Variants in CYFIP2 observed in about 807,000 individuals in gnomAD.
CYFIP2 encodes the protein cytoplasmic FMR1-interacting protein 2.
Under a neutral mutation model 158.7 loss-of-function variants are expected in CYFIP2, and 29 were observed. The ratio of observed to expected loss-of-function variants is 0.18; its 90% CI spans 0.14 to 0.25. CYFIP2 has a LOEUF of 0.25. CYFIP2 is among the 10% of genes least tolerant of loss of function. The probability of loss-of-function intolerance (pLI) is 1.00; values close to 1 mark genes in which losing one functional copy is unlikely to be tolerated. For synonymous variants in CYFIP2, 585 were observed against 617.6 expected (o/e 0.95, Z 0.78); for missense variants, 852 against 1,639.5 (o/e 0.52, Z 8.29).
chr5:157,373,928 G>A (rs1425284836), intron 26 of CYFIP2, among the ~76,000 whole-genome samples: 3 of 152,168 alleles, frequency 2.0e-5, no homozygotes, highest in African/African-American at 7.2e-5. Flanking sequence ...GGCTAGAGTG[G>A]CAATCATTAA....
intron 17 of CYFIP2, 189 bp downstream of exon 17, chr5:157,325,827 C>A: frequency 1.6e-6 from 1 of 632,426 alleles, no homozygotes; most frequent in Non-Finnish European, 2.6e-6. Context: ...CTGAAGTTTC[C>A]CAGCCCAACT....
At chr5:157,322,926 C>T in intron 15 of CYFIP2, 1 of 1,534,994 alleles carries the variant, frequency 6.5e-7, no homozygotes, top group Non-Finnish European at 8.7e-7. Flanking sequence ...TTCCTTCTCT[C>T]CTATCTATGT....
intron 1 of CYFIP2, among the ~76,000 whole-genome samples, chr5:157,277,517 A>G (rs899539668): frequency 2.0e-5 from 3 of 152,204 alleles, no homozygotes; most frequent in African/African-American, 7.2e-5. Flanking sequence ...TTCATTCAGT[A>G]CTTCCCCAGT....
At chr5:157,313,193 C>G (rs558470253) in intron 11 of CYFIP2, among the ~76,000 whole-genome samples, 1 of 152,346 alleles carries the variant, frequency 6.6e-6, no homozygotes, top group South Asian at 2.1e-4. Context: ...ATCAGAGTTA[C>G]AGCCCTGTGA....
chr5:157,299,409 C>T (rs1310651847), intron 5 of CYFIP2, among the ~76,000 whole-genome samples: 1 of 152,156 alleles, frequency 6.6e-6, no homozygotes, highest in African/African-American at 2.4e-5. Context: ...ATTGAGTTAC[C>T]CCATAAGCCT....
chr5:157,295,012 G>A (rs1406602051), intron 4 of CYFIP2, among the ~76,000 whole-genome samples, 152 bp downstream of exon 4: 1 of 152,228 alleles, frequency 6.6e-6, no homozygotes, highest in Non-Finnish European at 1.5e-5. Context: ...AAGACATTCA[G>A]AGAGCTTCCC....
At chr5:157,318,730 C>T (rs1232973707) in intron 13 of CYFIP2, among the ~76,000 whole-genome samples, 1 of 152,126 alleles carries the variant, frequency 6.6e-6, no homozygotes, top group Non-Finnish European at 1.5e-5. Context: ...ATAGCTGGGC[C>T]CTGTCCTGTG....
intron 13 of CYFIP2, among the ~76,000 whole-genome samples, chr5:157,317,507 G>T (rs1760247031): frequency 2.0e-5 from 3 of 151,994 alleles, no homozygotes; most frequent in African/African-American, 7.3e-5. Context: ...TTTCTACTTT[G>T]GGAAATGAGG....
At chr5:157,389,456 A>C (rs772146322) in intron 29 of CYFIP2, 29 bp downstream of exon 29, 2 of 1,515,846 alleles carry the variant, frequency 1.3e-6, no homozygotes, top group Non-Finnish European at 8.9e-7. Context: ...AGGCAGGGTT[A>C]CCCCCAACCT....
At chr5:157,275,067 C>G (rs567064805) in intron 1 of CYFIP2, among the ~76,000 whole-genome samples, 4 of 152,252 alleles carry the variant, frequency 2.6e-5, no homozygotes, top group East Asian at 3.9e-4. Flanking sequence ...GCCACTGTGC[C>G]CAGCCAAGAA....
intron 19 of CYFIP2, among the ~76,000 whole-genome samples, chr5:157,329,720 A>G (rs1009214663): frequency 1.3e-5 from 2 of 152,238 alleles, no homozygotes; most frequent in African/African-American, 4.8e-5. Context: ...CTTTTCTTCT[A>G]AGTCCTCAAA....
chr5:157,314,388 G>A lies in CYFIP2; in HGVS notation c.1155G>A (p.Glu385=), dbSNP rs746420638. The change falls in exon 12 of 31, where the codon GAG becomes GAA. Residue 385 remains glutamate (E), a synonymous_variant. Transcript: ENST00000620254. ...SGLDSQKSDE[E]YRELFDLALR... ...TGGACAGCCAGAAGTCAGACGAGGA[G>A]TATCGCGAGCTCTTCGACCTAGCCC... The A allele has an allele frequency of 6.2e-7, 1 of 1,613,944 alleles. No individual in the cohort carries two copies. Among genetic ancestry groups the A allele is most frequent in the Non-Finnish European group, 8.5e-7 (1 of 1,179,868 alleles).
At chr5:157,331,279 G>A (rs981377864) in intron 20 of CYFIP2, among the ~76,000 whole-genome samples, 6 of 151,598 alleles carry the variant, frequency 4.0e-5, no homozygotes, top group Admixed American at 4.0e-4. Flanking sequence ...TTTTTTGTGT[G>A]CAGAGTTGGT....
chr5:157,276,162 G>A (rs950665800), intron 1 of CYFIP2, among the ~76,000 whole-genome samples: 2 of 151,986 alleles, frequency 1.3e-5, no homozygotes, highest in African/African-American at 2.4e-5. Flanking sequence ...TAATTACCTT[G>A]GCTAGAACTG....
chr5:157,345,915 T>C (rs1303986504), intron 23 of CYFIP2, among the ~76,000 whole-genome samples: 2 of 152,230 alleles, frequency 1.3e-5, no homozygotes, highest in Non-Finnish European at 2.9e-5. Context: ...GATTATTATT[T>C]TCTTGTCCCA....
intron 9 of CYFIP2, 128 bp from the exon 10 acceptor site, chr5:157,309,615 G>C: frequency 1.3e-6 from 1 of 777,744 alleles, no homozygotes; most frequent in Non-Finnish European, 2.1e-6. Flanking sequence ...TAGCGTCATC[G>C]GAAGCAGAAA....
Position 157,311,922 on chromosome 5 carries a change from G to A in CYFIP2, c.1110+141G>A. ...AGGAGGGTAAAGTGGCCAACAGCAG[G>A]GGTTTTGGAGCCAGGCAGACTGGGG... On this transcript the variant is annotated intron_variant, in intron 11 of 30. Transcript: ENST00000620254. This position sits in a 1 kb window ranked among gnomAD's most constrained non-coding sequence, Gnocchi z 4.7. 2 of 719,840 alleles carry A rather than the reference G, an allele frequency of 2.8e-6. No individual in the cohort carries two copies. Among genetic ancestry groups the A allele is most frequent in the Non-Finnish European group, 4.6e-6 (2 of 433,788 alleles). 44.6% of individuals were successfully genotyped at this position (719,840 alleles called of 1,614,324 possible).
intron 1 of CYFIP2, among the ~76,000 whole-genome samples, chr5:157,282,157 C>A (rs1339332417): frequency 2.6e-5 from 4 of 152,160 alleles, no homozygotes; most frequent in African/African-American, 9.7e-5. Context: ...TAATTGACCT[C>A]AAGGTTCCAC....
Position 157,372,782 on chromosome 5 carries a change from C to T in CYFIP2, c.3040-9808C>T, listed in dbSNP as rs144864925. Reference sequence around the variant, plus strand: ...GACAAATGAAGCCAGGGAAGCTGGCCGGTCCAAATTAGAGGCCAGTGAGAG... The same window carrying T: ...GACAAATGAAGCCAGGGAAGCTGGCTGGTCCAAATTAGAGGCCAGTGAGAG... On this transcript the variant is annotated intron_variant, in intron 26 of 30. Coordinates refer to ENST00000620254, the MANE Select transcript of CYFIP2 (RefSeq NM_001037333.3). Among the ~76,000 whole-genome samples the T allele has an allele frequency of 4.1e-3, 628 of 152,242 alleles. 4 individuals are homozygous for T. Among genetic ancestry groups the T allele is most frequent in the African/African-American group, 0.014 (590 of 41,554 alleles).
Sources: allele counts gnomAD v4.1 joint callset (sites outside exome capture counted in the v4.1 genomes callset), GRCh38; gene constraint gnomAD v4.1.1; non-coding constraint Gnocchi (gnomAD v3.1); transcripts MANE v1.5; gene names NCBI Gene and HGNC (gene_info 2026-07-23, HGNC 2026-07-21).